FAM184A: variants seen among roughly 807,000 people sequenced by gnomAD.
FAM184A encodes family with sequence similarity 184 member A.
In FAM184A, 99 loss-of-function variants were observed where a neutral mutation model predicts 143.8. The observed-to-expected ratio is 0.69, with a 90% CI of 0.58 to 0.81. The LOEUF (loss-of-function observed/expected upper bound fraction) is 0.81, where lower values mean the gene tolerates loss of function less well. Ranked by LOEUF, FAM184A falls within the 40% of genes least tolerant of loss-of-function variation. FAM184A has a pLI of 0.00. For missense variants in FAM184A, 1,217 were observed against 1,310.5 expected (o/e 0.93, Z 1.10); for synonymous variants, 427 against 446.4 (o/e 0.96, Z 0.55).
At chr6:119,101,072 T>TTC (rs1788625963) in intron 1 of FAM184A, among the ~76,000 whole-genome samples, 2 of 150,372 alleles carry the variant, frequency 1.3e-5, no homozygotes, top group East Asian at 3.9e-4. Flanking sequence ...GCACTTTCTT[T>TTC]TTTTTTTTTT....
rs112474804 is a variant in FAM184A at position 119,023,562 on chromosome 6, C to A, written c.1014+397G>T. ...TAATTAGCAATATTGTCCGCCCCCC[C>A]CCCCAGGAACAGCGTATTACCTCGC... On this transcript the variant is annotated intron_variant, in intron 2 of 17. Transcript: ENST00000338891. Among the ~76,000 whole-genome samples the A allele has an allele frequency of 4.7e-4, 55 of 118,276 alleles. 3 individuals are homozygous for A. The highest frequency in any genetic ancestry group is 1.0e-3 in the South Asian group (3 of 2,870). 77.6% of individuals were successfully genotyped at this position (118,276 alleles called of 152,430 possible). A position where few individuals can be genotyped will look rare whatever the true frequency, so the allele number is the denominator to read the frequency against.
intron 1 of FAM184A, among the ~76,000 whole-genome samples, chr6:119,050,203 A>G (rs586708): frequency 0.035 from 5,274 of 152,284 alleles, 349 homozygotes; most frequent in African/African-American, 0.12. Context: ...TTACAGAGAA[A>G]AGGGAACACT....
intron 1 of FAM184A, among the ~76,000 whole-genome samples, chr6:119,067,925 T>C (rs1226784448): frequency 1.3e-5 from 2 of 152,062 alleles, no homozygotes; most frequent in African/African-American, 2.4e-5. Flanking sequence ...CAAGCTATGA[T>C]GGCACCCCTG....
At chr6:119,104,463 C>G (rs549381221) in intron 1 of FAM184A, among the ~76,000 whole-genome samples, 4 of 152,262 alleles carry the variant, frequency 2.6e-5, no homozygotes, top group South Asian at 2.1e-4. Context: ...CAGGGTCCAC[C>G]ATAGTGCCTG....
At chr6:119,118,878 G>A (rs1460115500) in intron 1 of FAM184A, among the ~76,000 whole-genome samples, 2 of 152,146 alleles carry the variant, frequency 1.3e-5, no homozygotes, top group East Asian at 1.9e-4. Flanking sequence ...GACCGCCAGT[G>A]AGCTGGGCAG....
chr6:119,016,812 T>C lies in FAM184A; in HGVS notation c.1465A>G (p.Lys489Glu). Residue 489 changes from lysine (K) to glutamate (E), a missense_variant, in exon 5 of 18, where the codon AAG (lysine) becomes GAG (glutamate). Physicochemically the swap from Lys to Glu is moderately conservative, Grantham distance 56. Coordinates refer to ENST00000338891, the MANE Select transcript of FAM184A (RefSeq NM_024581.6). ...ACAGCTTCAATTGCCATATGGTGCT[T>C]CCAAGCTAATTCTTCCAAAGTCTTA... ...HSKTLEELAW[K>E]HHMAIEAVHS... The C allele has an allele frequency of 6.2e-7, 1 of 1,614,200 alleles. No homozygotes were observed. Among genetic ancestry groups the C allele is most frequent in the Non-Finnish European group, 8.5e-7 (1 of 1,180,030 alleles).
chr6:119,121,468 C>T (rs1052841310), intron 1 of FAM184A, among the ~76,000 whole-genome samples: 5 of 152,106 alleles, frequency 3.3e-5, no homozygotes, highest in Non-Finnish European at 4.4e-5. Flanking sequence ...AAAATTAAAT[C>T]CATAAGCAGT....
chr6:119,123,246 G>A (rs973132868), intron 1 of FAM184A, among the ~76,000 whole-genome samples: 8 of 151,890 alleles, frequency 5.3e-5, no homozygotes, highest in African/African-American at 1.2e-4. Flanking sequence ...AAAATTAGCC[G>A]GGCCTGGTGG....
intron 1 of FAM184A, among the ~76,000 whole-genome samples, chr6:119,076,146 C>T (rs1225428597): frequency 6.6e-6 from 1 of 152,180 alleles, no homozygotes; most frequent in Non-Finnish European, 1.5e-5. Flanking sequence ...GTAGTACCCA[C>T]TGAGTAGTGC....
At position 119,003,621 on chromosome 6, in the gene FAM184A, C is replaced by T. The variant is rs1378462592; in HGVS notation, c.1817G>A (p.Gly606Asp). ...ETKDALLNVEGELEQERQQHE... is the reference protein window; with the variant it reads ...ETKDALLNVEDELEQERQQHE... ...CTGTTGCCTTTCTTGTTCTAGCTCA[C>T]CCTGAAGAATAAAAACTTTTCAATG... The change falls in exon 8 of 18, where the codon GGT (glycine) becomes GAT (aspartate). Residue 606 changes from glycine (G) to aspartate (D), a missense_variant and splice_region_variant. Coordinates refer to ENST00000338891, the MANE Select transcript of FAM184A (RefSeq NM_024581.6). The T allele has an allele frequency of 2.5e-6, 4 of 1,600,658 alleles. No individual in the cohort carries two copies. Among genetic ancestry groups the T allele is most frequent in the Admixed American group, 1.7e-5 (1 of 57,556 alleles).
chr6:119,069,796 T>C (rs1787614812), intron 1 of FAM184A, among the ~76,000 whole-genome samples: 1 of 152,240 alleles, frequency 6.6e-6, no homozygotes, highest in East Asian at 1.9e-4. Context: ...TATTAACCCC[T>C]ATGGAAACTT....
chr6:119,040,130 T>G (rs1786267484), intron 1 of FAM184A, among the ~76,000 whole-genome samples: 1 of 152,158 alleles, frequency 6.6e-6, no homozygotes, highest in South Asian at 2.1e-4. Context: ...TAAGGCCTTT[T>G]AAATAAATTT....
intron 1 of FAM184A, among the ~76,000 whole-genome samples, chr6:119,102,230 A>T (rs1788656482): frequency 6.6e-6 from 1 of 152,114 alleles, no homozygotes; most frequent in Non-Finnish European, 1.5e-5. Flanking sequence ...TTTTCAATGA[A>T]AAGAGTGAAG....
At chr6:118,997,492 C>T (rs1032726644) in intron 9 of FAM184A, among the ~76,000 whole-genome samples, 4 of 151,214 alleles carry the variant, frequency 2.6e-5, no homozygotes, top group Admixed American at 2.6e-4. Flanking sequence ...GAGTTCAAGA[C>T]CAGCCTGGCC....
At position 119,002,956 on chromosome 6, in the gene FAM184A, T is replaced by G. The variant is rs757906307; in HGVS notation, c.2031A>C (p.Arg677=). The change falls in exon 9 of 18, where the codon CGA becomes CGC. Residue 677 remains arginine (R), a synonymous_variant. Transcript: ENST00000338891. ...ATGAATCTCTTGCTGCATTTTTCTC[T>G]CGATCTTTCAACTGCAAAAGTTGAG... ...AMSQLLQLKD[R]EKNAARDSWQ... The G allele has an allele frequency of 1.9e-6, 3 of 1,612,880 alleles. No individual in the cohort carries two copies. In the East Asian group the frequency reaches 6.7e-5, roughly 36 times the overall value.
chr6:119,081,413 A>G (rs1591368), upstream of FAM184A, among the ~76,000 whole-genome samples: 19,058 of 152,156 alleles, frequency 0.13, 1,666 homozygotes, highest in African/African-American at 0.23. Flanking sequence ...GAGATGGGCA[A>G]GCTGTGAGGC....
Position 119,078,058 on chromosome 6 carries a change from G to T in FAM184A, c.159+83C>A. ...TAGAGTTCCCCTCGCTGCGGGCGCAGGGCGCACTGCCTCCCGGGGAGACAG... is the reference window on the plus strand; with the variant it reads ...TAGAGTTCCCCTCGCTGCGGGCGCATGGCGCACTGCCTCCCGGGGAGACAG... On this transcript the variant is annotated intron_variant, in intron 1 of 17. Transcript: ENST00000338891. This position sits in a 1 kb window ranked among gnomAD's most constrained non-coding sequence, Gnocchi z 5.5. 1 of 1,470,150 alleles carries T rather than the reference G, an allele frequency of 6.8e-7. No homozygotes were observed. Among genetic ancestry groups the T allele is most frequent in the Non-Finnish European group, 9.1e-7 (1 of 1,101,110 alleles). 91.1% of individuals were successfully genotyped at this position (1,470,150 alleles called of 1,614,324 possible).
At chr6:118,987,594 T>C (rs1483388350) in intron 9 of FAM184A, among the ~76,000 whole-genome samples, 1 of 152,214 alleles carries the variant, frequency 6.6e-6, no homozygotes, top group Admixed American at 6.5e-5. Context: ...TTGCTTTTCA[T>C]CTGTTGATAA....
intron 1 of FAM184A, among the ~76,000 whole-genome samples, chr6:119,070,485 A>G (rs760573476): frequency 2.0e-5 from 3 of 152,196 alleles, no homozygotes; most frequent in Non-Finnish European, 4.4e-5. Context: ...TTGAAGGACC[A>G]TTAACTCTCT....
Sources: allele counts gnomAD v4.1 joint callset (sites outside exome capture counted in the v4.1 genomes callset), GRCh38; gene constraint gnomAD v4.1.1; non-coding constraint Gnocchi (gnomAD v3.1); transcripts MANE v1.5; gene names NCBI Gene and HGNC (gene_info 2026-07-23, HGNC 2026-07-21).